The following TMX3 variants were observed in gnomAD, a reference collection of about 807,000 sequenced individuals.
TMX3 encodes the protein protein disulfide-isomerase TMX3.
In TMX3, 40 loss-of-function variants were observed where a neutral mutation model predicts 64.4. The ratio of observed to expected loss-of-function variants is 0.62; its 90% confidence interval spans 0.48 to 0.81. TMX3 has a LOEUF of 0.81. Ranked by LOEUF, TMX3 falls within the 30% of genes least tolerant of loss-of-function variation. The pLI is 0.00. For synonymous variants in TMX3, 189 were observed against 175.7 expected (o/e 1.08, Z -0.60); for missense variants, 497 against 534.5 (o/e 0.93, Z 0.69).
intron 10 of TMX3, chr18:68,687,033 C>T: frequency 8.1e-6 from 8 of 982,216 alleles, no homozygotes; most frequent in Non-Finnish European, 9.7e-6. Flanking sequence ...AAAAGCTATA[C>T]TTCCATCCTA....
chr18:68,700,738 T>A, intron 5 of TMX3: 1 of 984,304 alleles, frequency 1.0e-6, no homozygotes, highest in Non-Finnish European at 1.2e-6. Context: ...CTGCATTGTA[T>A]CTACGCCTTC....
intron 12 of TMX3, 143 bp downstream of exon 12, chr18:68,684,047 T>C (rs1197656654): frequency 1.9e-5 from 13 of 676,146 alleles, no homozygotes; most frequent in Non-Finnish European, 3.4e-5. Flanking sequence ...ATGTATCTCC[T>C]GTGGATAAGC....
chr18:68,694,728 A>G (rs1301345078), intron 8 of TMX3, among the ~76,000 whole-genome samples: 1 of 152,198 alleles, frequency 6.6e-6, no homozygotes, highest in African/African-American at 2.4e-5. Context: ...CGCATAAAAT[A>G]CTTGGCAAAC....
Position 68,676,316 on chromosome 18 carries a change from A to G in TMX3, c.*617T>C, listed in dbSNP as rs1186612030. 1 of 152,140 alleles carries G rather than the reference A, an allele frequency of 6.6e-6. No homozygotes were observed. The highest frequency in any genetic ancestry group is 2.4e-5 in the African/African-American group (1 of 41,434). The allele number at this position is 152,140 out of a possible 1,614,324, so 9.4% of individuals were successfully genotyped here. A position where few individuals can be genotyped will look rare whatever the true frequency, so the allele number is the denominator to read the frequency against. On this transcript the variant is annotated 3_prime_UTR_variant, in exon 16 of 16. Transcript: ENST00000299608. ...GACTTTTTTTCCCCATTATCTAGGC[A>G]TATATGAAAATTTTATGATAATGCA...
At chr18:68,681,319 G>A (rs1413457318) in intron 13 of TMX3, 4 of 563,604 alleles carry the variant, frequency 7.1e-6, no homozygotes, top group Admixed American at 5.0e-5. Context: ...ATATTTCTAG[G>A]ATACGCAATT....
At chr18:68,708,954 T>C (rs1435870834) in intron 4 of TMX3, among the ~76,000 whole-genome samples, 5 of 152,140 alleles carry the variant, frequency 3.3e-5, no homozygotes, top group African/African-American at 9.7e-5. Flanking sequence ...CATGGCAAAG[T>C]TGAGATTAAA....
chr18:68,695,844 A>C (rs1313489611), intron 8 of TMX3, among the ~76,000 whole-genome samples: 1 of 152,124 alleles, frequency 6.6e-6, no homozygotes, highest in Admixed American at 6.6e-5. Context: ...TTCTTCACCA[A>C]CTTCAACCTC....
At chr18:68,714,012 C>T (rs1383640796) in intron 1 of TMX3, 112 bp from the exon 2 acceptor site, 2 of 549,756 alleles carry the variant, frequency 3.6e-6, no homozygotes, top group African/African-American at 3.8e-5. Context: ...CCAAAAAATT[C>T]ATCACTGATG....
At chr18:68,710,260 T>C (rs1450701864) in intron 3 of TMX3, 116 bp from the exon 4 acceptor site, 2 of 961,332 alleles carry the variant, frequency 2.1e-6, no homozygotes, top group Non-Finnish European at 2.8e-6. Context: ...TCTAATAATG[T>C]TTTAGACAAG....
intron 4 of TMX3, among the ~76,000 whole-genome samples, chr18:68,703,820 C>A (rs568580610): frequency 1.0e-3 from 159 of 152,108 alleles, no homozygotes; most frequent in African/African-American, 3.6e-3. Flanking sequence ...GTCCCAGCTA[C>A]TCGGGAGGCT....
chr18:68,712,719 T>C (rs980784504), intron 2 of TMX3, among the ~76,000 whole-genome samples: 3 of 152,086 alleles, frequency 2.0e-5, no homozygotes, highest in Non-Finnish European at 4.4e-5. Flanking sequence ...GCACTAAGTT[T>C]AATAAGACTA....
In TMX3 at chr18:68,714,989, C is replaced by A; in HGVS notation, c.-8G>T. 1 of 1,569,190 alleles carries A rather than the reference C, an allele frequency of 6.4e-7. No homozygotes were observed. Among genetic ancestry groups the A allele is most frequent in the Non-Finnish European group, 8.6e-7 (1 of 1,157,668 alleles). ...ACTCTTCCACGCTGCCATGCTAGCC[C>A]GGGAGAGCTGCAGAAGCTGACTGTG... On this transcript the variant is annotated 5_prime_UTR_variant, in exon 1 of 16. Coordinates refer to ENST00000299608, the MANE Select transcript of TMX3 (RefSeq NM_019022.5).
intron 8 of TMX3, among the ~76,000 whole-genome samples, chr18:68,696,605 T>C (rs113595125): frequency 0.011 from 1,674 of 152,104 alleles, 12 homozygotes; most frequent in African/African-American, 0.017. Context: ...GCCTCCCGAG[T>C]AACTAGGAGT....
chr18:68,713,903 GAAAA>G lies in TMX3; in HGVS notation c.47-7_47-4del. On this transcript the variant is annotated splice_region_variant and splice_polypyrimidine_tract_variant and intron_variant, in intron 1 of 15. Transcript: ENST00000299608. ...GACGACCATATCAAGTACAACAACTGAAAAAAAAAGACAAAATGTACACAATAAA... is the reference window on the plus strand; with the variant it reads ...GACGACCATATCAAGTACAACAACTGAAAAAGACAAAATGTACACAATAAA... 6.5e-7 allele frequency: 1 copy of G among 1,542,144 alleles called. No individual in the cohort carries two copies. The highest frequency in any genetic ancestry group is 1.4e-5 in the African/African-American group (1 of 72,028).
chr18:68,687,871 C>T (rs1353070964), intron 9 of TMX3, 106 bp from the exon 10 acceptor site: 2 of 715,524 alleles, frequency 2.8e-6, no homozygotes, highest in African/African-American at 1.8e-5. Context: ...GAGAATCATA[C>T]TTCCATAAAT....
chr18:68,704,052 T>C (rs427911), intron 4 of TMX3, among the ~76,000 whole-genome samples: 23,432 of 152,120 alleles, frequency 0.15, 2,331 homozygotes, highest in African/African-American at 0.28. Flanking sequence ...TGGATGTTTT[T>C]GTTTACTTCT....
At chr18:68,680,934 T>C in intron 14 of TMX3, 47 bp downstream of exon 14, 1 of 1,497,810 alleles carries the variant, frequency 6.7e-7, no homozygotes, top group Non-Finnish European at 8.9e-7. Context: ...TAGTTTCTCC[T>C]CTACCCCCTG....
chr18:68,678,459 G>T (rs562151643), intron 15 of TMX3, among the ~76,000 whole-genome samples: 1 of 152,188 alleles, frequency 6.6e-6, no homozygotes, highest in East Asian at 1.9e-4. Flanking sequence ...GACTGCAAAG[G>T]GGAAAGGGAG....
In TMX3 at chr18:68,673,870, T is replaced by C. The variant is rs1912718830; in HGVS notation, c.*3063A>G. The C allele has an allele frequency of 6.6e-6, 1 of 152,108 alleles. No homozygotes were observed. The highest frequency in any genetic ancestry group is 2.1e-4 in the South Asian group (1 of 4,830). 9.4% of individuals were successfully genotyped at this position (152,108 alleles called of 1,614,324 possible). ...CAGACACATTCAGAAAAAATATATA[T>C]TTATAAAAATAAAATGTCAAGCCTA... is the stretch of plus-strand genomic sequence containing the variant. On this transcript the variant is annotated 3_prime_UTR_variant, in exon 16 of 16. Coordinates refer to ENST00000299608, the MANE Select transcript of TMX3 (RefSeq NM_019022.5).
Sources: gnomAD v4.1 joint callset for allele counts (sites outside exome capture counted in the v4.1 genomes callset) on GRCh38, gnomAD v4.1.1 for gene constraint, MANE v1.5 for transcripts, NCBI Gene and HGNC (gene_info 2026-07-23, HGNC 2026-07-21) for gene names.